The following PTPRK variants were observed in gnomAD, a reference collection of about 807,000 sequenced individuals.
PTPRK encodes protein tyrosine phosphatase receptor type K.
In PTPRK, 75 loss-of-function variants were observed where a neutral mutation model predicts 178.0. The observed-to-expected ratio is 0.42, with a 90% CI of 0.35 to 0.51. The LOEUF is 0.51. Ranked by LOEUF, PTPRK falls within the 20% of genes least tolerant of loss-of-function variation. The pLI, the probability that PTPRK is intolerant of heterozygous loss-of-function variation, is 0.02. For synonymous variants in PTPRK, 637 were observed against 620.6 expected (o/e 1.03, Z -0.39); for missense variants, 1,441 against 1,797.8 (o/e 0.80, Z 3.59).
At chr6:128,162,347 T>C (rs907087198) in intron 7 of PTPRK, among the ~76,000 whole-genome samples, 1 of 151,682 alleles carries the variant, frequency 6.6e-6, no homozygotes, top group African/African-American at 2.4e-5. Context: ...TCTGTGTCTT[T>C]GCGTGTGTTT....
At chr6:128,187,797 T>C (rs752474431) in intron 6 of PTPRK, among the ~76,000 whole-genome samples, 5 of 152,126 alleles carry the variant, frequency 3.3e-5, no homozygotes, top group South Asian at 2.1e-4. Context: ...AGCATATGTA[T>C]TGATTAACAG....
intron 3 of PTPRK, among the ~76,000 whole-genome samples, chr6:128,280,695 G>A (rs1821532206): frequency 6.6e-6 from 1 of 152,102 alleles, no homozygotes; most frequent in Non-Finnish European, 1.5e-5. Flanking sequence ...TATGTTCCAG[G>A]CTTTGAAAAT....
rs576138066 is a variant in PTPRK, at chr6:128,168,797, A to C, written c.1162+15635T>G. On this transcript the variant is annotated intron_variant, in intron 7 of 29. Transcript: ENST00000368226. ...TGCCAATAAGGTTGGGGACCGCTGCACTACAGCATTATTCACAATAGCCAA... is the reference window on the plus strand; with the variant it reads ...TGCCAATAAGGTTGGGGACCGCTGCCCTACAGCATTATTCACAATAGCCAA... Among the ~76,000 whole-genome samples the C allele has an allele frequency of 2.6e-5, 4 of 152,198 alleles. No individual in the cohort carries two copies. The East Asian group carries it at 7.7e-4, about 29-fold the overall frequency.
At chr6:128,032,330 C>G (rs1383270221) in intron 13 of PTPRK, among the ~76,000 whole-genome samples, 1 of 152,138 alleles carries the variant, frequency 6.6e-6, no homozygotes, top group Non-Finnish European at 1.5e-5. Flanking sequence ...TTCTTTCTGG[C>G]ATCTGGTTGT....
chr6:128,099,493 TTA>T (rs1788444063), intron 7 of PTPRK, among the ~76,000 whole-genome samples: 1 of 152,060 alleles, frequency 6.6e-6, no homozygotes, highest in African/African-American at 2.4e-5. Flanking sequence ...CTTAGAAAGA[TTA>T]TGATTTTAAC....
intron 3 of PTPRK, among the ~76,000 whole-genome samples, chr6:128,267,199 T>C (rs1819095195): frequency 6.6e-6 from 1 of 152,100 alleles, no homozygotes; most frequent in Admixed American, 6.6e-5. Context: ...TTTATCTACC[T>C]GCCATAAATG....
intron 1 of PTPRK, among the ~76,000 whole-genome samples, chr6:128,467,798 G>A (rs563049395): frequency 1.4e-5 from 2 of 144,586 alleles, no homozygotes; most frequent in East Asian, 4.0e-4. Context: ...CCTCTCATTG[G>A]CCATTAAATG....
chr6:128,224,495 A>G lies in PTPRK; in HGVS notation c.694-5399T>C, dbSNP rs542298336. On this transcript the variant is annotated intron_variant, in intron 5 of 29. Coordinates refer to ENST00000368226, the MANE Select transcript of PTPRK (RefSeq NM_002844.4). Reference sequence around the variant, plus strand: ...CAGGCTATTAACCAAACACCTTGCCATGTGGTCTACAGACCAGTAGCATCA... The same window carrying G: ...CAGGCTATTAACCAAACACCTTGCCGTGTGGTCTACAGACCAGTAGCATCA... Among the ~76,000 whole-genome samples the G allele has an allele frequency of 5.9e-5, 9 of 152,330 alleles. No individual in the cohort carries two copies. The South Asian group carries it at 1.7e-3, about 28-fold the overall frequency.
intron 2 of PTPRK, among the ~76,000 whole-genome samples, chr6:128,358,246 G>A (rs1388007238): frequency 2.0e-5 from 3 of 152,180 alleles, no homozygotes. Flanking sequence ...TGGCCCTGAA[G>A]GAGAGGGCAT....
intron 2 of PTPRK, among the ~76,000 whole-genome samples, chr6:128,363,198 T>C (rs762926344): frequency 7.2e-5 from 11 of 152,172 alleles, no homozygotes; most frequent in Non-Finnish European, 1.3e-4. Flanking sequence ...GATGGTATAA[T>C]GTCACTTGTG....
At chr6:127,983,462 G>T in intron 22 of PTPRK, 85 bp from the exon 23 acceptor site, 1 of 1,419,140 alleles carries the variant, frequency 7.0e-7, no homozygotes, top group Non-Finnish European at 9.6e-7. Context: ...CTGTCAGATA[G>T]GTAGAATCAA....
chr6:128,138,992 A>G (rs1795400143), intron 7 of PTPRK, among the ~76,000 whole-genome samples: 1 of 152,138 alleles, frequency 6.6e-6, no homozygotes, highest in African/African-American at 2.4e-5. Context: ...CAATTAAGGA[A>G]TACACACAGT....
At chr6:128,260,611 T>A (rs1403334569) in intron 3 of PTPRK, among the ~76,000 whole-genome samples, 1 of 152,168 alleles carries the variant, frequency 6.6e-6, no homozygotes, top group Non-Finnish European at 1.5e-5. Context: ...GATGCTTGTA[T>A]AATGTCCATT....
At chr6:128,031,883 G>A (rs1775394593) in intron 13 of PTPRK, among the ~76,000 whole-genome samples, 1 of 152,152 alleles carries the variant, frequency 6.6e-6, no homozygotes, top group Admixed American at 6.5e-5. Flanking sequence ...TGACCTGTCT[G>A]AGTCAGCATC....
At chr6:128,053,149 AACACACAC>A (rs61106638) in intron 13 of PTPRK, among the ~76,000 whole-genome samples, 14,106 of 144,968 alleles carry the variant, frequency 0.097, 1,972 homozygotes, top group African/African-American at 0.31. Context: ...ATGTGTATGG[AACACACAC>A]ACACACACAC....
intron 8 of PTPRK, among the ~76,000 whole-genome samples, chr6:128,087,796 C>T (rs190411375): frequency 4.3e-4 from 65 of 152,080 alleles, no homozygotes; most frequent in Non-Finnish European, 7.4e-4. Flanking sequence ...GTATAGTTTC[C>T]GAACTATATT....
Position 128,202,698 on chromosome 6 carries a change from T to C in PTPRK, c.868+16224A>G, listed in dbSNP as rs1583462915. On this transcript the variant is annotated intron_variant, in intron 6 of 29. Coordinates refer to ENST00000368226, the MANE Select transcript of PTPRK (RefSeq NM_002844.4). ...ATCTCTGTGGTTCAGTCAACTCAAT[T>C]TGAATTTGAAATAGAATCCCTGGAT... Among the ~76,000 whole-genome samples the C allele has an allele frequency of 2.0e-5, 3 of 152,130 alleles. No individual in the cohort carries two copies. In the South Asian group the frequency reaches 6.2e-4, roughly 32 times the overall value.
intron 7 of PTPRK, among the ~76,000 whole-genome samples, chr6:128,149,499 G>C (rs1222376473): frequency 6.6e-6 from 1 of 152,060 alleles, no homozygotes; most frequent in Admixed American, 6.6e-5. Context: ...ACATGCATTA[G>C]ACAGCTTTGG....
intron 7 of PTPRK, among the ~76,000 whole-genome samples, chr6:128,175,605 C>T (rs1231211265): frequency 6.6e-6 from 1 of 151,694 alleles, no homozygotes; most frequent in Non-Finnish European, 1.5e-5. Context: ...GAATATAGAA[C>T]TGTATATACT....
Sources: allele counts gnomAD v4.1 joint callset (sites outside exome capture counted in the v4.1 genomes callset), GRCh38; gene constraint gnomAD v4.1.1; transcripts MANE v1.5; gene names NCBI Gene and HGNC (gene_info 2026-07-23, HGNC 2026-07-21).